The following ARID2 variants were observed in gnomAD, a reference collection of about 807,000 sequenced individuals.
ARID2 encodes AT-rich interaction domain 2.
Under a neutral mutation model 184.6 loss-of-function variants are expected in ARID2, and 32 were observed. The ratio of observed to expected loss-of-function variants is 0.17; its 90% CI spans 0.13 to 0.23. The LOEUF (loss-of-function observed/expected upper bound fraction) is 0.23. ARID2 is among the 10% of genes least tolerant of loss of function. ARID2 has a pLI of 1.00. For synonymous variants in ARID2, 836 were observed against 772.6 expected, an observed-to-expected ratio of 1.08 and a Z score of -1.36; for missense variants, 1,696 against 2,197.6, an observed-to-expected ratio of 0.77 and a Z score of 4.56.
chr12:45,870,870 C>T lies in ARID2; in HGVS notation c.4922+9921C>T, dbSNP rs77128332. On this transcript the variant is annotated intron_variant, in intron 16 of 20. Transcript: ENST00000334344. Reference sequence around the variant, plus strand: ...TATCCATTCGTCTATTGAACAGTGTCATAATTGCTTCCAATTACTGGCAAT... The same window carrying T: ...TATCCATTCGTCTATTGAACAGTGTTATAATTGCTTCCAATTACTGGCAAT... Among the ~76,000 whole-genome samples the T allele has an allele frequency of 2.7e-3, 411 of 152,228 alleles. 1 individual carries two copies. The highest frequency in any genetic ancestry group is 9.5e-3 in the African/African-American group (394 of 41,530).
intron 16 of ARID2, among the ~76,000 whole-genome samples, chr12:45,885,508 C>T (rs976157136): frequency 4.6e-5 from 7 of 151,890 alleles, no homozygotes; most frequent in African/African-American, 1.7e-4. Flanking sequence ...ATATGGAATA[C>T]TCTTTGGCCA....
chr12:45,762,884 C>T (rs967599804), intron 3 of ARID2, among the ~76,000 whole-genome samples: 3 of 152,152 alleles, frequency 2.0e-5, no homozygotes, highest in Non-Finnish European at 2.9e-5. Flanking sequence ...TGTCTCTTTC[C>T]TCATGCATCA....
chr12:45,791,289 G>T (rs1001870818), intron 3 of ARID2, among the ~76,000 whole-genome samples: 2 of 152,050 alleles, frequency 1.3e-5, no homozygotes, highest in African/African-American at 4.8e-5. Flanking sequence ...ATTGAAAAGA[G>T]ATACTGAATT....
In ARID2 at chr12:45,837,455, CA is replaced by C. The variant is rs1325363664; in HGVS notation, c.1121-40del. ...TGAAGTATTTACTTTCTAAAGTAAA[CA>C]AACTATCATTTCTTAGTAATACATA... On this transcript the variant is annotated intron_variant, in intron 9 of 20. Transcript: ENST00000334344. The C allele has an allele frequency of 5.6e-6, 9 of 1,608,674 alleles. No individual in the cohort carries two copies. The African/African-American group carries it at 8.0e-5, about 14-fold the overall frequency.
At chr12:45,768,724 CTT>C (rs1441928842) in intron 3 of ARID2, among the ~76,000 whole-genome samples, 2 of 152,186 alleles carry the variant, frequency 1.3e-5, no homozygotes, top group South Asian at 4.2e-4. Context: ...TGGGAGGAGT[CTT>C]TTTGGGGTCA....
At chr12:45,869,191 A>G (rs1943878280) in intron 16 of ARID2, among the ~76,000 whole-genome samples, 2 of 151,568 alleles carry the variant, frequency 1.3e-5, no homozygotes, top group Non-Finnish European at 2.9e-5. Flanking sequence ...TAATTTTTGT[A>G]TTTTTAGTAG....
chr12:45,810,997 C>G (rs1250461834), intron 3 of ARID2, among the ~76,000 whole-genome samples: 1 of 151,966 alleles, frequency 6.6e-6, no homozygotes, highest in Non-Finnish European at 1.5e-5. Flanking sequence ...GTCACGAGGT[C>G]AGGAAATTGA....
chr12:45,792,272 AC>A (rs1302903099), intron 3 of ARID2, among the ~76,000 whole-genome samples: 1 of 152,142 alleles, frequency 6.6e-6, no homozygotes, highest in African/African-American at 2.4e-5. Flanking sequence ...ATGTTTTCCT[AC>A]TTTCTACAGT....
intron 3 of ARID2, among the ~76,000 whole-genome samples, chr12:45,799,098 A>T (rs986012186): frequency 1.7e-4 from 26 of 152,186 alleles, no homozygotes; most frequent in South Asian, 8.3e-4. Flanking sequence ...ATAATTTTTT[A>T]AAAAAGTATT....
Position 45,905,923 on chromosome 12 carries a change from A to ATTTTTT in ARID2, c.*849_*854dup. 1 of 205,938 alleles carries ATTTTTT rather than the reference A, an allele frequency of 4.9e-6. No homozygotes were observed. The allele number at this position is 205,938 out of a possible 1,614,324, so 12.8% of individuals were successfully genotyped here. A position where few individuals can be genotyped will look rare whatever the true frequency, so the allele number is the denominator to read the frequency against. The stretch of plus-strand genomic sequence containing the variant: ...GTCAAAACAGTTTTGTGGAACTGTG[A>ATTTTTT]TTTTTTTTTCTTTTTTCTTTTTTTT... On this transcript the variant is annotated 3_prime_UTR_variant, in exon 21 of 21. Coordinates refer to ENST00000334344, the MANE Select transcript of ARID2 (RefSeq NM_152641.4).
chr12:45,868,112 C>G (rs931122958), intron 16 of ARID2, among the ~76,000 whole-genome samples: 3 of 152,086 alleles, frequency 2.0e-5, no homozygotes, highest in African/African-American at 7.2e-5. Context: ...TATTGCCCTT[C>G]CTAAAAATTT....
rs534804460 is a variant in ARID2, at chr12:45,851,949, A to G, written c.3826A>G (p.Thr1276Ala). Reference protein sequence around the residue: ...MENPSCRRGATNTSNGDTKEN... With the variant: ...MENPSCRRGAANTSNGDTKEN... ...GAACCCGTCCTGCCGACGAGGAGCC[A>G]CAAACACCAGCAATGGGGATACAAA... The change falls in exon 15 of 21, where the codon ACA (threonine) becomes GCA (alanine). Residue 1276 changes from threonine to alanine, a missense_variant. Thr to Ala is a moderately conservative substitution (Grantham distance 58, BLOSUM62 0). Around this residue, in one of 11 missense-constraint regions of ARID2, gnomAD observed 428 missense variants for 409.1 expected, o/e 1.05. Transcript: ENST00000334344. The G allele has an allele frequency of 2.2e-5, 35 of 1,613,886 alleles. No homozygotes were observed. The highest frequency in any genetic ancestry group is 2.9e-5 in the Non-Finnish European group (34 of 1,179,956).
At chr12:45,841,169 A>T (rs1943336620) in intron 11 of ARID2, 1 of 152,238 alleles carries the variant, frequency 6.6e-6, no homozygotes, top group South Asian at 2.1e-4. Context: ...AGAGAAATTG[A>T]TAAAATGTCA....
At chr12:45,837,115 G>A in intron 8 of ARID2, 124 bp downstream of exon 8, 1 of 1,296,274 alleles carries the variant, frequency 7.7e-7, no homozygotes, top group Non-Finnish European at 1.0e-6. Context: ...TGTATTAGTT[G>A]CTAAAAATGG....
intron 18 of ARID2, among the ~76,000 whole-genome samples, chr12:45,892,495 C>T (rs74081278): frequency 6.1e-5 from 7 of 115,138 alleles, no homozygotes; most frequent in African/African-American, 1.9e-4. Context: ...TATATATATA[C>T]ACACACATAT....
intron 5 of ARID2, among the ~76,000 whole-genome samples, chr12:45,820,509 G>GT (rs1251399350): frequency 1.3e-5 from 2 of 151,926 alleles, no homozygotes; most frequent in Non-Finnish European, 2.9e-5. Context: ...TTAAGATTTT[G>GT]TTTTTTTAAA....
At chr12:45,782,625 C>CTA in intron 3 of ARID2, among the ~76,000 whole-genome samples, 1 of 151,170 alleles carries the variant, frequency 6.6e-6, no homozygotes, top group South Asian at 2.1e-4. Context: ...GAGCGAGACT[C>CTA]TGTCTCAAAA....
At chr12:45,843,848 C>T (rs1264705561) in intron 11 of ARID2, among the ~76,000 whole-genome samples, 1 of 152,082 alleles carries the variant, frequency 6.6e-6, no homozygotes, top group Non-Finnish European at 1.5e-5. Context: ...TAACAAAAGT[C>T]TCTTGCTTAA....
chr12:45,755,129 C>G (rs904696373), intron 3 of ARID2, among the ~76,000 whole-genome samples: 30 of 152,098 alleles, frequency 2.0e-4, no homozygotes, highest in Non-Finnish European at 4.1e-4. Context: ...AGACCTGGAC[C>G]AAAAATTGGT....
Sources: gnomAD v4.1 joint callset for allele counts (sites outside exome capture counted in the v4.1 genomes callset) on GRCh38, gnomAD v4.1.1 for gene constraint, gnomAD v4.1.1 regional missense constraint, MANE v1.5 for transcripts, NCBI Gene and HGNC (gene_info 2026-07-23, HGNC 2026-07-21) for gene names.